Variants in FBXL5 observed in about 807,000 individuals in gnomAD.
FBXL5 encodes F-box and leucine rich repeat protein 5.
Under a neutral mutation model 78.3 loss-of-function variants are expected in FBXL5, and 26 were observed. The ratio of observed to expected loss-of-function variants is 0.33; its 90% CI spans 0.24 to 0.46. The LOEUF is 0.46. Among genes scored for constraint, FBXL5 ranks in the 20% least tolerant of loss-of-function variants. The pLI, the probability that FBXL5 is intolerant of heterozygous loss-of-function variation, is 1.00. For synonymous variants in FBXL5, 295 were observed against 282.5 expected, an observed-to-expected ratio of 1.04 and a Z score of -0.45; for missense variants, 710 against 829.2, an observed-to-expected ratio of 0.86 and a Z score of 1.77.
At position 15,655,201 on chromosome 4, in the gene FBXL5, T is replaced by C; in HGVS notation, c.84+3A>G. The C allele has an allele frequency of 7.1e-7, 1 of 1,406,192 alleles. No homozygotes were observed. The highest frequency in any genetic ancestry group is 9.4e-7 in the Non-Finnish European group (1 of 1,061,594). 87.1% of individuals were successfully genotyped at this position (1,406,192 alleles called of 1,614,324 possible). On this transcript the variant is annotated splice_donor_region_variant and intron_variant, in intron 1 of 10. Transcript: ENST00000341285. Reference sequence around the variant, plus strand: ...CACAGCGGGAGGCTCAGCGCTCCGTTACCTTGTCGCAGTAGAGCCCCACCA... The same window carrying C: ...CACAGCGGGAGGCTCAGCGCTCCGTCACCTTGTCGCAGTAGAGCCCCACCA...
Position 15,605,512 on chromosome 4 carries a change from C to A in FBXL5, c.*211G>T, listed in dbSNP as rs1351598227. ...GACTGTTCTCACCCTTTTGAAAAGA[C>A]CTAATCCCTTTCTAAACCAAAAGTA... On this transcript the variant is annotated 3_prime_UTR_variant, in exon 11 of 11. Transcript: ENST00000341285. 3.9e-6 allele frequency: 2 copies of A among 517,220 alleles called. No individual in the cohort carries two copies. The highest frequency in any genetic ancestry group is 7.0e-6 in the Non-Finnish European group (2 of 284,884). The allele number at this position is 517,220 out of a possible 1,614,324, so 32.0% of individuals were successfully genotyped here. A position where few individuals can be genotyped will look rare whatever the true frequency, so the allele number is the denominator to read the frequency against.
chr4:15,657,026 AAGAAAT>A (rs1260353898), upstream of FBXL5, among the ~76,000 whole-genome samples: 1 of 152,240 alleles, frequency 6.6e-6, no homozygotes, highest in Non-Finnish European at 1.5e-5. Context: ...AATAAGGCTT[AAGAAAT>A]AGAATAATAA....
intron 4 of FBXL5, 152 bp downstream of exon 4, chr4:15,638,356 T>C: frequency 4.1e-6 from 2 of 493,258 alleles, no homozygotes; most frequent in Non-Finnish European, 7.0e-6. Context: ...ACCATCGTCT[T>C]CAATTAAATT....
chr4:15,645,035 T>G (rs992002841), intron 1 of FBXL5, among the ~76,000 whole-genome samples: 1 of 152,094 alleles, frequency 6.6e-6, no homozygotes, highest in African/African-American at 2.4e-5. Context: ...GTATGCTAAA[T>G]ACAGGCAGGC....
intron 1 of FBXL5, among the ~76,000 whole-genome samples, chr4:15,671,743 T>C (rs1369982917): frequency 6.6e-6 from 1 of 152,218 alleles, no homozygotes; most frequent in Non-Finnish European, 1.5e-5. Context: ...AGCTCACTGA[T>C]AGACTATTTT....
intron 1 of FBXL5, among the ~76,000 whole-genome samples, chr4:15,648,889 G>A (rs1034544552): frequency 1.3e-5 from 2 of 152,134 alleles, no homozygotes; most frequent in South Asian, 2.1e-4. Context: ...AAGGGTAATC[G>A]TTTGTGGTGA....
intron 6 of FBXL5, among the ~76,000 whole-genome samples, chr4:15,629,114 C>T (rs6826058): frequency 0.24 from 36,823 of 151,636 alleles, 4,712 homozygotes; most frequent in African/African-American, 0.28. Flanking sequence ...ACAAGGCAGC[C>T]AAACCGAAAA....
chr4:15,636,713 AAAGAGCATATGCAAT>A, intron 4 of FBXL5, 37 bp from the exon 5 acceptor site: 2 of 1,438,328 alleles, frequency 1.4e-6, no homozygotes, highest in Non-Finnish European at 1.9e-6. Flanking sequence ...AGTAAAGGCT[AAAGAGCATATGCAAT>A]AAGAAATTAC....
chr4:15,625,366 G>A lies in FBXL5; in HGVS notation c.1736C>T (p.Pro579Leu). 1 of 1,614,128 alleles carries A rather than the reference G, an allele frequency of 6.2e-7. No homozygotes were observed. Among genetic ancestry groups the A allele is most frequent in the Non-Finnish European group, 8.5e-7 (1 of 1,180,032 alleles). The change falls in exon 9 of 11, where the codon CCT (proline) becomes CTT (leucine). Residue 579 changes from proline (P) to leucine (L), a missense_variant. This residue lies in a region of FBXL5 where 517 missense variants were observed against 542.9 expected (regional missense o/e 0.95). Transcript: ENST00000341285. Reference sequence around the variant, plus strand: ...AAAGTAAATTAAGTCTTTTCCCCTAGGCAATCTAGTCCTTGCTGCTTTTCT... The same window carrying A: ...AAAGTAAATTAAGTCTTTTCCCCTAAGCAATCTAGTCCTTGCTGCTTTTCT... Reference protein sequence around the residue: ...MCRKAARTRLPRGKDLIYFGS... With the variant: ...MCRKAARTRLLRGKDLIYFGS...
At chr4:15,668,933 C>T (rs1717653011) in intron 1 of FBXL5, among the ~76,000 whole-genome samples, 1 of 152,100 alleles carries the variant, frequency 6.6e-6, no homozygotes. Context: ...TACTTTTTAC[C>T]ACTGCAGAAC....
chr4:15,661,426 T>C (rs1717301700), upstream of FBXL5, among the ~76,000 whole-genome samples: 2 of 152,224 alleles, frequency 1.3e-5, no homozygotes, highest in South Asian at 4.1e-4. Flanking sequence ...GCACTAAATG[T>C]TAGCTATTTT....
Position 15,625,695 on chromosome 4 carries a change from A to G in FBXL5, c.1407T>C (p.Val469=). Residue 469 remains valine (V), a synonymous_variant, in exon 9 of 11, where the codon GTT becomes GTC. Transcript: ENST00000341285. The part of the protein sequence containing the change: ...IDNEHPWTKP[V]SSENFTSPYV... ...AAGGAGAAGTGAAATTCTCAGAAGAAACAGGCTTAGTCCAGGGGTGTTCAT... is the reference window on the plus strand; with the variant it reads ...AAGGAGAAGTGAAATTCTCAGAAGAGACAGGCTTAGTCCAGGGGTGTTCAT... The G allele has an allele frequency of 6.2e-7, 1 of 1,614,244 alleles. No individual in the cohort carries two copies. The highest frequency in any genetic ancestry group is 8.5e-7 in the Non-Finnish European group (1 of 1,180,036).
intron 10 of FBXL5, 75 bp from the exon 11 acceptor site, chr4:15,605,874 G>C: frequency 8.9e-7 from 1 of 1,121,524 alleles, no homozygotes; most frequent in Non-Finnish European, 1.3e-6. Flanking sequence ...TTATGAAGGA[G>C]TTAAACATTC....
At chr4:15,633,692 G>A (rs1713927625) in intron 5 of FBXL5, among the ~76,000 whole-genome samples, 1 of 152,140 alleles carries the variant, frequency 6.6e-6, no homozygotes, top group African/African-American at 2.4e-5. Context: ...CTCCTGGACT[G>A]AAGTGATTCT....
At chr4:15,657,364 C>G (rs1717044388), upstream of FBXL5, among the ~76,000 whole-genome samples, 1 of 152,184 alleles carries the variant, frequency 6.6e-6, no homozygotes, top group African/African-American at 2.4e-5. Context: ...GAGGGTAGTT[C>G]ATAGCACTGT....
intron 5 of FBXL5, among the ~76,000 whole-genome samples, chr4:15,633,987 G>C (rs1713959853): frequency 6.6e-6 from 1 of 151,940 alleles, no homozygotes; most frequent in African/African-American, 2.4e-5. Flanking sequence ...AACTGTTTTT[G>C]GGTGCTGTCC....
intron 2 of FBXL5, 25 bp downstream of exon 2, chr4:15,644,468 T>C (rs372221574): frequency 1.0e-4 from 163 of 1,573,694 alleles, no homozygotes; most frequent in Middle Eastern, 1.7e-4. Context: ...GTTTTGACAG[T>C]TGAATATCCA....
chr4:15,627,662 T>C (rs1158992787), intron 7 of FBXL5, among the ~76,000 whole-genome samples: 1 of 152,216 alleles, frequency 6.6e-6, no homozygotes, highest in African/African-American at 2.4e-5. Context: ...TCTAGTCAGT[T>C]TCCTCATCTG....
At chr4:15,649,838 C>T (rs538124740) in intron 1 of FBXL5, among the ~76,000 whole-genome samples, 2 of 152,182 alleles carry the variant, frequency 1.3e-5, no homozygotes, top group East Asian at 3.9e-4. Flanking sequence ...CCTCATTTTA[C>T]AGACTAACAA....
Sources: allele counts gnomAD v4.1 joint callset (sites outside exome capture counted in the v4.1 genomes callset), GRCh38; gene constraint gnomAD v4.1.1; regional missense constraint gnomAD v4.1.1; transcripts MANE v1.5; gene names NCBI Gene and HGNC (gene_info 2026-07-23, HGNC 2026-07-21).